Variants in PKD2 observed in about 807,000 individuals in gnomAD.
PKD2 encodes the protein polycystin 2, transient receptor potential cation channel.
PKD2 carries 48 observed loss-of-function variants against 105.9 expected under a neutral mutation model. The observed-to-expected ratio is 0.45, with a 90% CI of 0.36 to 0.58. PKD2 has a LOEUF of 0.58. Among genes scored for constraint, PKD2 ranks in the 20% least tolerant of loss-of-function variants. PKD2 has a pLI of 0.00. For synonymous variants in PKD2, 464 were observed against 481.1 expected (o/e 0.96, Z 0.46); for missense variants, 1,078 against 1,255.3 (o/e 0.86, Z 2.13).
intron 13 of PKD2, among the ~76,000 whole-genome samples, chr4:88,074,338 C>T (rs1306141325): frequency 6.6e-6 from 1 of 152,014 alleles, no homozygotes; most frequent in Non-Finnish European, 1.5e-5. Context: ...GAAGTTTTGC[C>T]ATCCTGCCCA....
intron 4 of PKD2, among the ~76,000 whole-genome samples, chr4:88,039,430 C>T (rs530278833): frequency 8.5e-5 from 13 of 152,156 alleles, no homozygotes; most frequent in African/African-American, 2.9e-4. Flanking sequence ...TTTGGAAAGC[C>T]AAGGCGGACA....
Position 88,008,300 on chromosome 4 carries a change from G to T in PKD2, c.567G>T (p.Trp189Cys), listed in dbSNP as rs1163840810. The change falls in exon 1 of 15, where the codon TGG becomes TGT. Residue 189 changes from tryptophan (W) to cysteine (C), a missense_variant. Around this residue, in one of 2 missense-constraint regions of PKD2, gnomAD observed 868 missense variants for 1,067.3 expected, o/e 0.81. Transcript: ENST00000237596. ...AAGGGCAGCCGCCCCGAGTGGCCTG[G>T]GCGGAGAGGCTGGTTCGCGGGCTGC... is the stretch of plus-strand genomic sequence containing the variant. Reference protein sequence around the residue: ...PLEGQPPRVAWAERLVRGLRG... With the variant: ...PLEGQPPRVACAERLVRGLRG... 4 of 1,511,896 alleles carry T rather than the reference G, an allele frequency of 2.6e-6. No homozygotes were observed. In the Admixed American group the frequency reaches 8.2e-5, roughly 31 times the overall value. The allele number at this position is 1,511,896 out of a possible 1,614,324, so 93.7% of individuals were successfully genotyped here. A position where few individuals can be genotyped will look rare whatever the true frequency, so the allele number is the denominator to read the frequency against.
rs1335599851 is a variant in PKD2 at position 88,007,701 on chromosome 4, C to T, written c.-33C>T. 2.6e-6 allele frequency: 3 copies of T among 1,160,422 alleles called. No individual in the cohort carries two copies. Among genetic ancestry groups the T allele is most frequent in the Non-Finnish European group, 3.2e-6 (3 of 935,748 alleles). 71.9% of individuals were successfully genotyped at this position (1,160,422 alleles called of 1,614,324 possible). A position where few individuals can be genotyped will look rare whatever the true frequency, so the allele number is the denominator to read the frequency against. ...AGGCGCACAGCGCCGAGCGCGGCGCCGCGCACCCGCGCGCCGGACGCCAGT... is the reference window on the plus strand; with the variant it reads ...AGGCGCACAGCGCCGAGCGCGGCGCTGCGCACCCGCGCGCCGGACGCCAGT... On this transcript the variant is annotated 5_prime_UTR_variant, in exon 1 of 15. Transcript: ENST00000237596.
chr4:88,046,799 T>C lies in PKD2; in HGVS notation c.1477T>C (p.Leu493=), dbSNP rs139753109. The change falls in exon 6 of 15, where the codon TTG becomes CTG. Residue 493 remains leucine (L), a synonymous_variant. Transcript: ENST00000237596. ...FIFYYVVEEI[L]EIRIHKLHYF... is the part of the protein sequence containing the mutation. ...CTTTTACTATGTGGTGGAAGAGATA[T>C]TGGAAATTCGCATTCACAAACTACA... 27 of 1,611,592 alleles carry C rather than the reference T, an allele frequency of 1.7e-5. No individual in the cohort carries two copies. The African/African-American group carries it at 2.5e-4, about 15-fold the overall frequency.
At chr4:88,039,277 A>G (rs145701452) in intron 4 of PKD2, among the ~76,000 whole-genome samples, 211 of 152,258 alleles carry the variant, frequency 1.4e-3, no homozygotes, top group African/African-American at 4.8e-3. Flanking sequence ...ATTTGTTACT[A>G]TACAATGGGC....
intron 2 of PKD2, among the ~76,000 whole-genome samples, chr4:88,035,184 A>G (rs1578128197): frequency 1.3e-5 from 2 of 152,376 alleles, no homozygotes; most frequent in Admixed American, 6.5e-5. Flanking sequence ...GAGCATGGCC[A>G]GGAATCAGAC....
chr4:88,051,045 G>T (rs1720078151), intron 6 of PKD2, among the ~76,000 whole-genome samples: 1 of 152,190 alleles, frequency 6.6e-6, no homozygotes, highest in African/African-American at 2.4e-5. Flanking sequence ...CCCTGGTGGG[G>T]CCAGGTTGTT....
chr4:88,039,395 T>A (rs967806963), intron 4 of PKD2, among the ~76,000 whole-genome samples: 4 of 152,130 alleles, frequency 2.6e-5, no homozygotes, highest in African/African-American at 9.7e-5. Context: ...TTGGGCACAG[T>A]TTCTCATGCC....
chr4:88,075,021 T>C (rs1477005345), intron 14 of PKD2, 62 bp downstream of exon 14: 11 of 1,550,870 alleles, frequency 7.1e-6, no homozygotes, highest in Non-Finnish European at 9.8e-6. Flanking sequence ...AAAATATATG[T>C]TGCTGACAGT....
intron 2 of PKD2, among the ~76,000 whole-genome samples, chr4:88,025,067 G>T (rs536026150): frequency 2.0e-5 from 3 of 151,986 alleles, no homozygotes; most frequent in Admixed American, 6.5e-5. Flanking sequence ...TTAAACCCGG[G>T]AGGTGGAGGT....
intron 13 of PKD2, among the ~76,000 whole-genome samples, chr4:88,074,540 A>G (rs1000558824): frequency 6.6e-6 from 1 of 152,178 alleles, no homozygotes; most frequent in Admixed American, 6.5e-5. Flanking sequence ...TTTCCTTTAG[A>G]AAATGTTCTA....
rs1721247668 is a variant in PKD2, at chr4:88,076,767, C to G, written c.*1073C>G. 6.6e-6 allele frequency: 1 copy of G among 152,202 alleles called. No homozygotes were observed. The highest frequency in any genetic ancestry group is 6.5e-5 in the Admixed American group (1 of 15,270). The allele number at this position is 152,202 out of a possible 1,614,324, so 9.4% of individuals were successfully genotyped here. ...TTGGGAGGCCGAAACAGGCGAATCA[C>G]TTGAGCCCAGGAGTTCAAGACCAAC... is the stretch of plus-strand genomic sequence containing the variant. On this transcript the variant is annotated 3_prime_UTR_variant, in exon 15 of 15. Coordinates refer to ENST00000237596, the MANE Select transcript of PKD2 (RefSeq NM_000297.4).
At position 88,068,119 on chromosome 4, in the gene PKD2, A is replaced by C. The variant is rs1220241966; in HGVS notation, c.2522+58A>C. 3 of 1,310,782 alleles carry C rather than the reference A, an allele frequency of 2.3e-6. No individual in the cohort carries two copies. The Admixed American group carries it at 5.0e-5, about 22-fold the overall frequency. The allele number at this position is 1,310,782 out of a possible 1,614,324, so 81.2% of individuals were successfully genotyped here. On this transcript the variant is annotated intron_variant, in intron 13 of 14. Coordinates refer to ENST00000237596, the MANE Select transcript of PKD2 (RefSeq NM_000297.4). ...GACAAGAGTCCACATGAGACCAGGC[A>C]GTTCCCTCATCTCTCTGAATTCACT...
intron 2 of PKD2, among the ~76,000 whole-genome samples, chr4:88,031,262 G>T (rs374941334): frequency 6.6e-6 from 1 of 152,168 alleles, no homozygotes; most frequent in South Asian, 2.1e-4. Flanking sequence ...CATTCAGTAG[G>T]TTAGGTATAT....
intron 2 of PKD2, among the ~76,000 whole-genome samples, chr4:88,026,849 G>A (rs1726976308): frequency 6.6e-6 from 1 of 152,224 alleles, no homozygotes; most frequent in African/African-American, 2.4e-5. Context: ...AAGGAGCCAA[G>A]GTACAGCTGG....
intron 9 of PKD2, 113 bp downstream of exon 9, chr4:88,058,216 G>GA (rs1326979438): frequency 4.2e-6 from 3 of 721,764 alleles, no homozygotes; most frequent in Non-Finnish European, 7.2e-6. Flanking sequence ...CCAGGAAGTA[G>GA]AAAAAAGTGT....
rs1721269503 is a variant in PKD2 at position 88,077,350 on chromosome 4, T to TTACTACA, written c.*1662_*1668dup. ...TGAATATGCTACACAAAGTTCTTTA[T>TTACTACA]TACTACATACTAAAGTTTGCATTCC... On this transcript the variant is annotated 3_prime_UTR_variant, in exon 15 of 15. Coordinates refer to ENST00000237596, the MANE Select transcript of PKD2 (RefSeq NM_000297.4). 1 of 152,652 alleles carries TTACTACA rather than the reference T, an allele frequency of 6.6e-6. No individual in the cohort carries two copies. The highest frequency in any genetic ancestry group is 1.5e-5 in the Non-Finnish European group (1 of 68,038). 9.5% of individuals were successfully genotyped at this position (152,652 alleles called of 1,614,324 possible). A position where few individuals can be genotyped will look rare whatever the true frequency, so the allele number is the denominator to read the frequency against.
chr4:88,064,330 GAAAT>G (rs1316455435), intron 10 of PKD2, among the ~76,000 whole-genome samples: 4 of 152,118 alleles, frequency 2.6e-5, no homozygotes, highest in African/African-American at 9.7e-5. Context: ...TTTTTACAAA[GAAAT>G]AAAACACTTT....
At chr4:88,015,955 C>T (rs1411396339) in intron 1 of PKD2, among the ~76,000 whole-genome samples, 1 of 152,148 alleles carries the variant, frequency 6.6e-6, no homozygotes, top group Non-Finnish European at 1.5e-5. Flanking sequence ...TTTCCACAGA[C>T]CTGGGGTAGG....
Sources: gnomAD v4.1 joint callset for allele counts (sites outside exome capture counted in the v4.1 genomes callset) on GRCh38, gnomAD v4.1.1 for gene constraint, gnomAD v4.1.1 regional missense constraint, MANE v1.5 for transcripts, NCBI Gene and HGNC (gene_info 2026-07-23, HGNC 2026-07-21) for gene names.